The following ISLR2 variants were observed in gnomAD, a reference collection of about 807,000 sequenced individuals.
ISLR2 encodes immunoglobulin superfamily containing leucine rich repeat 2.
ISLR2 carries 16 observed loss-of-function variants against 25.5 expected under a neutral mutation model. The ratio of observed to expected loss-of-function variants is 0.63; its 90% confidence interval spans 0.43 to 0.95. The LOEUF is 0.95. Among genes scored for constraint, ISLR2 ranks in the 40% least tolerant of loss-of-function variants. The pLI, the probability that ISLR2 is intolerant of heterozygous loss-of-function variation, is 0.00. For missense variants in ISLR2, 883 were observed against 1,030.7 expected, an observed-to-expected ratio of 0.86 and a Z score of 1.96; for synonymous variants, 508 against 486.6, an observed-to-expected ratio of 1.04 and a Z score of -0.58.
intron 2 of ISLR2, among the ~76,000 whole-genome samples, chr15:74,114,330 T>C (rs1385654863): frequency 6.6e-6 from 1 of 152,168 alleles, no homozygotes; most frequent in African/African-American, 2.4e-5. Flanking sequence ...ATTCATTCTA[T>C]TCTAAAAGTA....
intron 2 of ISLR2, among the ~76,000 whole-genome samples, chr15:74,109,292 G>A (rs1027639549): frequency 5.0e-4 from 76 of 152,044 alleles, no homozygotes; most frequent in African/African-American, 1.8e-3. Flanking sequence ...GAGGGCCCTG[G>A]GAAAGGAGAC....
At chr15:74,121,489 C>A (rs1422960445) in intron 2 of ISLR2, among the ~76,000 whole-genome samples, 1 of 152,112 alleles carries the variant, frequency 6.6e-6, no homozygotes. Context: ...GGCACCCTTC[C>A]TCAGCTTGGA....
intron 2 of ISLR2, among the ~76,000 whole-genome samples, chr15:74,122,251 C>A (rs975812143): frequency 2.6e-5 from 4 of 152,220 alleles, no homozygotes; most frequent in Non-Finnish European, 5.9e-5. Flanking sequence ...CCTCCAGGCC[C>A]CAAACTCTGA....
rs143851558 is a variant in ISLR2, at chr15:74,133,252, C to T, written c.498C>T (p.Thr166=). The change falls in exon 3 of 3, where the codon ACC becomes ACT. Residue 166 remains threonine (T), a synonymous_variant. Coordinates refer to ENST00000453268, the MANE Select transcript of ISLR2 (RefSeq NM_020851.3). ...NNRLRTLAPG[T]FDALSALSHL... is the part of the protein sequence containing the mutation. Reference sequence around the variant, plus strand: ...GGCTGCGTACGCTGGCGCCTGGCACCTTCGACGCGCTTAGCGCGCTGTCAC... The same window carrying T: ...GGCTGCGTACGCTGGCGCCTGGCACTTTCGACGCGCTTAGCGCGCTGTCAC... 34 of 1,611,914 alleles carry T rather than the reference C, an allele frequency of 2.1e-5. No individual in the cohort carries two copies. In the Admixed American group the frequency reaches 2.3e-4, roughly 11 times the overall value.
upstream of ISLR2, chr15:74,130,201 A>G (rs1158024307): frequency 1.5e-4 from 1 of 6,682 alleles, no homozygotes; most frequent in Non-Finnish European, 2.8e-4. Context: ...TTAGACTAGC[A>G]GGCGGGGCGG....
At chr15:74,108,803 C>T (rs1220694653) in intron 2 of ISLR2, among the ~76,000 whole-genome samples, 3 of 152,130 alleles carry the variant, frequency 2.0e-5, no homozygotes, top group Non-Finnish European at 2.9e-5. Flanking sequence ...AGGGGGTGCC[C>T]AGGGCTGGAT....
upstream of ISLR2, among the ~76,000 whole-genome samples, chr15:74,125,216 T>C (rs2072285296): frequency 6.6e-6 from 1 of 151,934 alleles, no homozygotes; most frequent in African/African-American, 2.4e-5. Flanking sequence ...TTTTGGTGTT[T>C]TTTTGTTTTG....
chr15:74,107,513 C>T (rs1259659849), intron 2 of ISLR2, among the ~76,000 whole-genome samples: 3 of 152,116 alleles, frequency 2.0e-5, no homozygotes, highest in Non-Finnish European at 4.4e-5. Context: ...ACTTGTTTTG[C>T]ATTCCAGTCC....
At chr15:74,109,886 C>T (rs1304273837) in intron 2 of ISLR2, among the ~76,000 whole-genome samples, 1 of 152,134 alleles carries the variant, frequency 6.6e-6, no homozygotes, top group Non-Finnish European at 1.5e-5. Flanking sequence ...GCCTCAAACT[C>T]CCAGGCTTAA....
At chr15:74,141,313 C>A (rs936099220), downstream of ISLR2, among the ~76,000 whole-genome samples, 2 of 152,218 alleles carry the variant, frequency 1.3e-5, no homozygotes, top group Non-Finnish European at 2.9e-5. Context: ...AATGCATTTT[C>A]TCCCAGCAAC....
intron 2 of ISLR2, among the ~76,000 whole-genome samples, chr15:74,110,556 G>T (rs1220765398): frequency 1.3e-5 from 2 of 151,818 alleles, no homozygotes; most frequent in South Asian, 2.1e-4. Flanking sequence ...GGTGGCTCAC[G>T]CCTGTAATCC....
At chr15:74,128,174 G>C, upstream of ISLR2, 1 of 303,850 alleles carries the variant, frequency 3.3e-6, no homozygotes, top group Non-Finnish European at 6.3e-6. Context: ...GGTGCGCGCA[G>C]TCTTCTAGCT....
chr15:74,123,767 A>G (rs1226335592), upstream of ISLR2, among the ~76,000 whole-genome samples: 1 of 152,166 alleles, frequency 6.6e-6, no homozygotes, highest in East Asian at 1.9e-4. Context: ...TATCCGACTA[A>G]AGACTGAAGC....
intron 2 of ISLR2, among the ~76,000 whole-genome samples, chr15:74,118,644 CTATTATTATTAT>C (rs112112565): frequency 3.4e-5 from 5 of 145,722 alleles, no homozygotes; most frequent in African/African-American, 7.5e-5. Flanking sequence ...AAATCTGAAG[CTATTATTATTAT>C]TATTATTATT....
intron 2 of ISLR2, among the ~76,000 whole-genome samples, chr15:74,110,656 TA>T (rs753865797): frequency 0.066 from 7,349 of 111,228 alleles, 749 homozygotes; most frequent in African/African-American, 0.22. Flanking sequence ...TGTCTCTACT[TA>T]AAAAAAAAAA....
At chr15:74,125,971 C>G (rs142556851), upstream of ISLR2, 1 of 152,228 alleles carries the variant, frequency 6.6e-6, no homozygotes, top group South Asian at 2.1e-4. Flanking sequence ...AGTTGCGGGT[C>G]TCTCTTTGCA....
In ISLR2 at chr15:74,133,493, G is replaced by A; in HGVS notation, c.739G>A (p.Gly247Ser). The A allele has an allele frequency of 2.5e-6, 4 of 1,613,718 alleles. No individual in the cohort carries two copies. The highest frequency in any genetic ancestry group is 3.4e-6 in the Non-Finnish European group (4 of 1,179,942). ...LSAEPPLEAP[G>S]TPLRAGLAFV... ...TGCCGAGCCACCGCTTGAAGCACCC[G>A]GCACCCCACTGCGCGCAGGACTGGC... The change falls in exon 3 of 3, where the codon GGC becomes AGC. Residue 247 changes from glycine to serine, a missense_variant. Around this residue, in one of 2 missense-constraint regions of ISLR2, gnomAD observed 271 missense variants for 387.9 expected, o/e 0.70. Coordinates refer to ENST00000453268, the MANE Select transcript of ISLR2 (RefSeq NM_020851.3).
At chr15:74,100,432 GT>G (rs2072075989) in exon 1 of ISLR2, 1 of 738,526 alleles carries the variant, frequency 1.4e-6, no homozygotes, top group Non-Finnish European at 1.8e-6. Context: ...CCAACCGCCG[GT>G]TTAACTGAGG....
intron 2 of ISLR2, among the ~76,000 whole-genome samples, chr15:74,112,670 G>T (rs2072177728): frequency 6.6e-6 from 1 of 151,870 alleles, no homozygotes; most frequent in Non-Finnish European, 1.5e-5. Context: ...TGGAACTATA[G>T]GCGCATGTTA....
Sources: allele counts gnomAD v4.1 joint callset (sites outside exome capture counted in the v4.1 genomes callset), GRCh38; gene constraint gnomAD v4.1.1; regional missense constraint gnomAD v4.1.1; transcripts MANE v1.5; gene names NCBI Gene and HGNC (gene_info 2026-07-23, HGNC 2026-07-21).